PRKCA: variants seen among roughly 807,000 people sequenced by gnomAD.
PRKCA encodes the protein protein kinase C alpha type.
Under a neutral mutation model 87.0 loss-of-function variants are expected in PRKCA, and 27 were observed. The observed-to-expected ratio is 0.31, with a 90% confidence interval of 0.23 to 0.43. The LOEUF (loss-of-function observed/expected upper bound fraction) is 0.43. Ranked by LOEUF, PRKCA falls within the 20% of genes least tolerant of loss-of-function variation. The pLI, the probability that PRKCA is intolerant of heterozygous loss-of-function variation, is 1.00. For synonymous variants in PRKCA, 329 were observed against 311.1 expected, an observed-to-expected ratio of 1.06 and a Z score of -0.61; for missense variants, 518 against 852.3, an observed-to-expected ratio of 0.61 and a Z score of 4.88.
At chr17:66,618,351 C>T (rs867045892) in intron 3 of PRKCA, among the ~76,000 whole-genome samples, 1 of 64,742 alleles carries the variant, frequency 1.5e-5, no homozygotes. Context: ...GAAACCCTAT[C>T]GCAAAAAAAA....
intron 3 of PRKCA, among the ~76,000 whole-genome samples, chr17:66,569,373 A>G (rs1035583500): frequency 4.7e-5 from 7 of 147,880 alleles, no homozygotes; most frequent in Admixed American, 4.1e-4. Flanking sequence ...CGTTCAAGAC[A>G]GCCTGGCCAA....
At chr17:66,576,427 T>C (rs1969239338) in intron 3 of PRKCA, among the ~76,000 whole-genome samples, 1 of 152,230 alleles carries the variant, frequency 6.6e-6, no homozygotes, top group Non-Finnish European at 1.5e-5. Flanking sequence ...ATAGAGACCA[T>C]TAAGATGCAG....
At chr17:66,760,260 A>G (rs1463732066) in intron 13 of PRKCA, among the ~76,000 whole-genome samples, 1 of 152,250 alleles carries the variant, frequency 6.6e-6, no homozygotes, top group Non-Finnish European at 1.5e-5. Flanking sequence ...AAAGATAGCT[A>G]GAAAATTCCA....
intron 2 of PRKCA, among the ~76,000 whole-genome samples, chr17:66,393,523 G>A (rs1255794934): frequency 6.6e-6 from 1 of 152,216 alleles, no homozygotes; most frequent in Non-Finnish European, 1.5e-5. Context: ...GGGACGGCCT[G>A]TCGTTTCCTG....
intron 2 of PRKCA, among the ~76,000 whole-genome samples, chr17:66,424,968 C>T (rs1453136146): frequency 6.6e-6 from 1 of 151,896 alleles, no homozygotes; most frequent in Non-Finnish European, 1.5e-5. Flanking sequence ...TACTGTGTTG[C>T]CCAGGCTGGT....
At chr17:66,784,786 G>A (rs951152968) in intron 14 of PRKCA, among the ~76,000 whole-genome samples, 1 of 152,272 alleles carries the variant, frequency 6.6e-6, no homozygotes, top group African/African-American at 2.4e-5. Context: ...ACAGATGAAA[G>A]CCACACGTCC....
intron 8 of PRKCA, among the ~76,000 whole-genome samples, chr17:66,728,308 C>T (rs930400990): frequency 2.0e-5 from 3 of 152,198 alleles, no homozygotes; most frequent in East Asian, 1.9e-4. Context: ...CTGATATGGA[C>T]GTGGTCAGCC....
chr17:66,344,531 AC>A (rs1567781657), intron 2 of PRKCA, among the ~76,000 whole-genome samples: 4 of 152,146 alleles, frequency 2.6e-5, no homozygotes, highest in Non-Finnish European at 5.9e-5. Context: ...CAACAAAAAA[AC>A]AGTTAGTTGT....
In PRKCA at chr17:66,385,853, G is replaced by A. The variant is rs183303794; in HGVS notation, c.205+79726G>A. Among the ~76,000 whole-genome samples, 352 of 152,242 alleles carry A rather than the reference G, an allele frequency of 2.3e-3. 3 individuals carry two copies. The highest frequency in any genetic ancestry group is 0.01 in the Middle Eastern group (3 of 294). On this transcript the variant is annotated intron_variant, in intron 2 of 16. Transcript: ENST00000413366. Reference sequence around the variant, plus strand: ...GCTCACTGCAACTTCTGCCTCCTGGGGTCAAGCAATTCTCCTGCCTCAGCC... The same window carrying A: ...GCTCACTGCAACTTCTGCCTCCTGGAGTCAAGCAATTCTCCTGCCTCAGCC...
intron 5 of PRKCA, among the ~76,000 whole-genome samples, chr17:66,661,709 T>G (rs1381970596): frequency 6.6e-6 from 1 of 152,204 alleles, no homozygotes; most frequent in African/African-American, 2.4e-5. Context: ...CACAACAGGT[T>G]CCAGGCGTAA....
intron 3 of PRKCA, among the ~76,000 whole-genome samples, chr17:66,580,499 T>C (rs541785280): frequency 6.6e-6 from 1 of 152,344 alleles, no homozygotes; most frequent in Admixed American, 6.5e-5. Context: ...CATGAGACAC[T>C]GAGCCATGTT....
chr17:66,556,975 G>C (rs909685840), intron 3 of PRKCA, among the ~76,000 whole-genome samples: 2 of 152,124 alleles, frequency 1.3e-5, no homozygotes, highest in African/African-American at 2.4e-5. Flanking sequence ...AAGCAATTTG[G>C]GTCAATGGAG....
At chr17:66,356,368 G>A (rs1332638838) in intron 2 of PRKCA, among the ~76,000 whole-genome samples, 1 of 152,134 alleles carries the variant, frequency 6.6e-6, no homozygotes, top group African/African-American at 2.4e-5. Flanking sequence ...CGGCACGGTG[G>A]CTCACGCCTG....
chr17:66,698,873 G>A (rs1051707154), intron 8 of PRKCA, among the ~76,000 whole-genome samples: 17 of 150,934 alleles, frequency 1.1e-4, no homozygotes, highest in Non-Finnish European at 2.4e-4. Flanking sequence ...GCCAGTACTC[G>A]GGAGGCTGAG....
intron 3 of PRKCA, among the ~76,000 whole-genome samples, chr17:66,604,160 T>C (rs980136664): frequency 6.6e-6 from 1 of 152,124 alleles, no homozygotes; most frequent in African/African-American, 2.4e-5. Context: ...GTCAACAGGA[T>C]TTCCCAGAGT....
chr17:66,681,839 G>C (rs1176495674), intron 5 of PRKCA, among the ~76,000 whole-genome samples: 1 of 152,154 alleles, frequency 6.6e-6, no homozygotes, highest in East Asian at 1.9e-4. Context: ...TCCCTCACTC[G>C]GGTGCCTGCA....
chr17:66,779,999 G>A (rs552770492), intron 14 of PRKCA, among the ~76,000 whole-genome samples: 28 of 152,292 alleles, frequency 1.8e-4, no homozygotes, highest in East Asian at 1.4e-3. Flanking sequence ...ACTTTTCACC[G>A]TTCCCTTGCC....
chr17:66,596,001 TC>T (rs1042847742), intron 3 of PRKCA, among the ~76,000 whole-genome samples: 1 of 152,200 alleles, frequency 6.6e-6, no homozygotes, highest in African/African-American at 2.4e-5. Context: ...AGCTGGCTCA[TC>T]CTGTAGGGAT....
At chr17:66,542,233 T>C (rs991553024) in intron 3 of PRKCA, among the ~76,000 whole-genome samples, 3 of 152,244 alleles carry the variant, frequency 2.0e-5, no homozygotes, top group African/African-American at 7.2e-5. Context: ...GACCTTTTTC[T>C]TTCTTTATGC....
Sources: gnomAD v4.1 joint callset for allele counts (sites outside exome capture counted in the v4.1 genomes callset) on GRCh38, gnomAD v4.1.1 for gene constraint, MANE v1.5 for transcripts, NCBI Gene and HGNC (gene_info 2026-07-23, HGNC 2026-07-21) for gene names.